PDE1C: variants seen among roughly 807,000 people sequenced by gnomAD.
PDE1C encodes phosphodiesterase 1C, also known as dual specificity calcium/calmodulin-dependent 3',5'-cyclic nucleotide phosphodiesterase 1C.
PDE1C carries 62 observed loss-of-function variants against 93.1 expected under a neutral mutation model. The ratio of observed to expected loss-of-function variants is 0.67; its 90% confidence interval spans 0.54 to 0.82. PDE1C has a LOEUF of 0.82. PDE1C is among the 40% of genes least tolerant of loss of function. The pLI is 0.00. For synonymous variants in PDE1C, 325 were observed against 310.1 expected, an observed-to-expected ratio of 1.05 and a Z score of -0.50; for missense variants, 742 against 884.6, an observed-to-expected ratio of 0.84 and a Z score of 2.04.
At chr7:32,298,066 C>T (rs1369674604) in intron 1 of PDE1C, among the ~76,000 whole-genome samples, 10 of 47,340 alleles carry the variant, frequency 2.1e-4, no homozygotes, top group African/African-American at 2.8e-4. Flanking sequence ...CTCTCTCTCC[C>T]CTCTCTCTCT....
intron 2 of PDE1C, among the ~76,000 whole-genome samples, chr7:31,931,251 G>C (rs1421960072): frequency 5.9e-5 from 9 of 152,162 alleles, no homozygotes; most frequent in Admixed American, 3.9e-4. Context: ...AATCAAGCAA[G>C]AGAAAGAAAG....
chr7:31,700,245 CA>C, the PDE1C span, among the ~76,000 whole-genome samples: 1 of 152,166 alleles, frequency 6.6e-6, no homozygotes, highest in African/African-American at 2.4e-5. Context: ...CTCCAGTGAA[CA>C]CAGGAATGAT....
intron 1 of PDE1C, among the ~76,000 whole-genome samples, chr7:32,361,257 C>T (rs112430336): frequency 3.3e-5 from 5 of 152,302 alleles, no homozygotes; most frequent in Middle Eastern, 3.4e-3. Flanking sequence ...CAGTCTTTCA[C>T]GGTAGGTGCA....
chr7:32,193,361 A>G (rs1804369578), intron 2 of PDE1C, among the ~76,000 whole-genome samples: 1 of 152,212 alleles, frequency 6.6e-6, no homozygotes, highest in Non-Finnish European at 1.5e-5. Flanking sequence ...ATCATGAATG[A>G]ATATTGAATG....
At chr7:31,951,566 C>T (rs1339591195) in intron 2 of PDE1C, among the ~76,000 whole-genome samples, 1 of 152,210 alleles carries the variant, frequency 6.6e-6, no homozygotes, top group Admixed American at 6.5e-5. Context: ...GTACAATTGC[C>T]AGGTTAACTT....
chr7:32,025,333 G>C (rs917167), intron 2 of PDE1C, among the ~76,000 whole-genome samples: 29,434 of 152,048 alleles, frequency 0.19, 3,698 homozygotes, highest in East Asian at 0.38. Flanking sequence ...TGAAACCCAA[G>C]GCCAGGGTCC....
chr7:31,837,436 G>T (rs1562893236), intron 10 of PDE1C, 136 bp from the exon 11 acceptor site: 3 of 765,652 alleles, frequency 3.9e-6, no homozygotes, highest in East Asian at 3.0e-5. Flanking sequence ...TTGAGGAAAA[G>T]ACATCATTTC....
chr7:32,320,055 T>A (rs1783256597), intron 1 of PDE1C, among the ~76,000 whole-genome samples: 1 of 152,134 alleles, frequency 6.6e-6, no homozygotes, highest in South Asian at 2.1e-4. Flanking sequence ...GTGGGGCAAC[T>A]TGAAGCCAAT....
intron 3 of PDE1C, among the ~76,000 whole-genome samples, chr7:32,155,299 T>C (rs2128793735): frequency 6.6e-6 from 1 of 152,312 alleles, no homozygotes; most frequent in Middle Eastern, 3.4e-3. Context: ...AGTTTCTCCA[T>C]CTGTGAAATG....
chr7:31,803,451 C>A (rs559535315), intron 16 of PDE1C, among the ~76,000 whole-genome samples: 2 of 151,512 alleles, frequency 1.3e-5, no homozygotes, highest in East Asian at 3.9e-4. Context: ...ATGTGCACAA[C>A]GTGCAGGTTT....
chr7:31,633,249 A>G, the PDE1C span, among the ~76,000 whole-genome samples: 1 of 152,204 alleles, frequency 6.6e-6, no homozygotes, highest in African/African-American at 2.4e-5. Context: ...TCTTTGGGAA[A>G]GGAGTTCGAC....
At chr7:32,117,743 T>C (rs1799064276) in intron 3 of PDE1C, among the ~76,000 whole-genome samples, 1 of 152,220 alleles carries the variant, frequency 6.6e-6, no homozygotes. Flanking sequence ...TCAAGAGTGT[T>C]CAAAATCTAC....
intron 2 of PDE1C, among the ~76,000 whole-genome samples, chr7:32,198,505 T>C (rs989515532): frequency 1.1e-4 from 17 of 152,356 alleles, no homozygotes; most frequent in East Asian, 1.9e-4. Flanking sequence ...AGAACTGATA[T>C]AGCAGCTCTG....
intron 2 of PDE1C, among the ~76,000 whole-genome samples, chr7:32,035,778 C>G (rs1426501044): frequency 6.6e-6 from 1 of 152,154 alleles, no homozygotes; most frequent in Non-Finnish European, 1.5e-5. Context: ...TATGAATCAT[C>G]TCTGTCCAAG....
the PDE1C span, among the ~76,000 whole-genome samples, chr7:31,701,170 T>G: frequency 2.0e-5 from 3 of 152,112 alleles, no homozygotes; most frequent in Non-Finnish European, 4.4e-5. Context: ...TGGAAACAAT[T>G]TGGTATTCTA....
chr7:32,228,560 C>A (rs1018060132), intron 1 of PDE1C, among the ~76,000 whole-genome samples: 1 of 152,178 alleles, frequency 6.6e-6, no homozygotes, highest in African/African-American at 2.4e-5. Context: ...AGAGCTGGTG[C>A]TCTTTCCAGC....
At chr7:31,841,175 A>T (rs183275852) in intron 9 of PDE1C, among the ~76,000 whole-genome samples, 1 of 149,164 alleles carries the variant, frequency 6.7e-6, no homozygotes, top group Non-Finnish European at 1.5e-5. Flanking sequence ...TTATTTTCCA[A>T]TGGTTTGCTG....
chr7:32,399,153 T>C (rs1784896077), intron 1 of PDE1C, among the ~76,000 whole-genome samples: 1 of 152,188 alleles, frequency 6.6e-6, no homozygotes, highest in Admixed American at 6.5e-5. Flanking sequence ...GGAAGAGGTG[T>C]GCTCAGTTGG....
At chr7:32,029,872 G>A (rs1271487210) in intron 2 of PDE1C, among the ~76,000 whole-genome samples, 2 of 151,964 alleles carry the variant, frequency 1.3e-5, no homozygotes, top group African/African-American at 4.8e-5. Context: ...ACAATAATGA[G>A]CCTTCTTATA....
Sources: gnomAD v4.1 joint callset for allele counts (sites outside exome capture counted in the v4.1 genomes callset) on GRCh38, gnomAD v4.1.1 for gene constraint, MANE v1.5 for transcripts, NCBI Gene and HGNC (gene_info 2026-07-23, HGNC 2026-07-21) for gene names.